ADAM12: variants seen among roughly 807,000 people sequenced by gnomAD.
ADAM12 encodes the protein ADAM metallopeptidase domain 12, also known as disintegrin and metalloproteinase domain-containing protein 12.
ADAM12 carries 70 observed loss-of-function variants against 106.4 expected under a neutral mutation model. That is an observed-to-expected ratio of 0.66 (90% CI 0.54 to 0.80). ADAM12 has a LOEUF of 0.80. ADAM12 is among the 30% of genes least tolerant of loss of function. The probability of loss-of-function intolerance (pLI) is 0.00; values close to 1 mark genes in which losing one functional copy is unlikely to be tolerated. For missense variants in ADAM12, 1,010 were observed against 1,171.9 expected (o/e 0.86, Z 2.02); for synonymous variants, 420 against 433.5 (o/e 0.97, Z 0.39).
At chr10:126,330,327 A>G (rs1030538894) in intron 2 of ADAM12, 85 bp downstream of exon 2, 7 of 1,146,126 alleles carry the variant, frequency 6.1e-6, no homozygotes, top group African/African-American at 1.6e-5. Flanking sequence ...AGTAGAGACA[A>G]CCCTTGAATG....
intron 1 of ADAM12, among the ~76,000 whole-genome samples, chr10:126,359,980 T>C (rs554593258): frequency 3.3e-5 from 5 of 152,320 alleles, no homozygotes; most frequent in African/African-American, 1.2e-4. Context: ...ATTCTTGACT[T>C]CTGTGTACCC....
At chr10:126,102,420 G>A (rs1222121370) in intron 8 of ADAM12, among the ~76,000 whole-genome samples, 3 of 152,154 alleles carry the variant, frequency 2.0e-5, no homozygotes, top group Non-Finnish European at 4.4e-5. Flanking sequence ...GAAGCATCTG[G>A]CCAATAACAA....
At chr10:126,280,159 A>ATAAT (rs1487590514) in intron 2 of ADAM12, among the ~76,000 whole-genome samples, 2 of 152,204 alleles carry the variant, frequency 1.3e-5, no homozygotes, top group Non-Finnish European at 2.9e-5. Context: ...CAACATGAAA[A>ATAAT]TAATTAGTTA....
At chr10:126,282,423 C>T (rs1246021958) in intron 2 of ADAM12, among the ~76,000 whole-genome samples, 4 of 152,102 alleles carry the variant, frequency 2.6e-5, no homozygotes, top group Non-Finnish European at 5.9e-5. Flanking sequence ...TCCCTTATTC[C>T]CAACCAGTGG....
At chr10:126,025,515 A>T (rs77164964) in intron 21 of ADAM12, among the ~76,000 whole-genome samples, 4 of 88,208 alleles carry the variant, frequency 4.5e-5, no homozygotes, top group Non-Finnish European at 1.1e-4. Flanking sequence ...AATGAACAGA[A>T]GGTCTTGAGA....
intron 3 of ADAM12, among the ~76,000 whole-genome samples, chr10:126,277,749 G>A (rs1394701707): frequency 6.6e-6 from 1 of 152,004 alleles, no homozygotes; most frequent in Non-Finnish European, 1.5e-5. Context: ...TGTTTCCAAA[G>A]CTTCTGATCT....
intron 14 of ADAM12, among the ~76,000 whole-genome samples, chr10:126,059,943 T>G (rs1954716407): frequency 6.6e-6 from 1 of 151,996 alleles, no homozygotes; most frequent in South Asian, 2.1e-4. Flanking sequence ...TTGTAGATAT[T>G]AAGACTAAAC....
chr10:126,177,497 T>A (rs899737090), intron 3 of ADAM12, among the ~76,000 whole-genome samples: 3 of 152,174 alleles, frequency 2.0e-5, no homozygotes, highest in Non-Finnish European at 4.4e-5. Context: ...ACCACACAGC[T>A]AATAAATTAG....
intron 1 of ADAM12, among the ~76,000 whole-genome samples, chr10:126,387,229 A>T (rs940761608): frequency 1.3e-5 from 2 of 152,228 alleles, no homozygotes; most frequent in Admixed American, 1.3e-4. Flanking sequence ...CCGGATTTTT[A>T]AAAAGGCACC....
Position 126,355,223 on chromosome 10 carries a change from C to A in ADAM12, c.89-24714G>T, listed in dbSNP as rs368438015. Among the ~76,000 whole-genome samples, 5 of 151,944 alleles carry A rather than the reference C, an allele frequency of 3.3e-5. No individual in the cohort carries two copies. The East Asian group carries it at 5.8e-4, about 18-fold the overall frequency. ...AAGACAAAGGAGTTAAGAAATAAAA[C>A]CAGAAATGACTAAATTAAAAGCTAT... On this transcript the variant is annotated intron_variant, in intron 1 of 22. Coordinates refer to ENST00000448723, the MANE Select transcript of ADAM12 (RefSeq NM_001288973.2).
intron 4 of ADAM12, among the ~76,000 whole-genome samples, chr10:126,140,518 C>T (rs1394859761): frequency 6.6e-6 from 1 of 152,116 alleles, no homozygotes; most frequent in Non-Finnish European, 1.5e-5. Context: ...TAAACAATCT[C>T]ACTTCTCTCA....
In ADAM12 at chr10:126,288,288, G is replaced by A. The variant is rs1274018331; in HGVS notation, c.187-9300C>T. On this transcript the variant is annotated intron_variant, in intron 2 of 22. Transcript: ENST00000448723. ...GGAGAGTAGGCAGGGCTTGCCCTGTGAGCTGAATTTCTTACATTTGTACTT... is the reference window on the plus strand; with the variant it reads ...GGAGAGTAGGCAGGGCTTGCCCTGTAAGCTGAATTTCTTACATTTGTACTT... Among the ~76,000 whole-genome samples the A allele has an allele frequency of 5.3e-5, 8 of 152,150 alleles. No individual in the cohort carries two copies. In the East Asian group the frequency reaches 1.5e-3, roughly 29 times the overall value.
At chr10:126,058,825 C>T (rs1954689881) in intron 14 of ADAM12, among the ~76,000 whole-genome samples, 2 of 152,208 alleles carry the variant, frequency 1.3e-5, no homozygotes, top group Admixed American at 1.3e-4. Flanking sequence ...TGACTTCTAT[C>T]CACTTGTAAG....
intron 3 of ADAM12, among the ~76,000 whole-genome samples, chr10:126,212,593 C>T (rs1424999914): frequency 1.3e-5 from 2 of 151,888 alleles, no homozygotes; most frequent in Non-Finnish European, 2.9e-5. Flanking sequence ...CCTTCTATTC[C>T]TACATATATG....
At chr10:126,231,080 T>C (rs1958300362) in intron 3 of ADAM12, among the ~76,000 whole-genome samples, 1 of 152,208 alleles carries the variant, frequency 6.6e-6, no homozygotes, top group South Asian at 2.1e-4. Flanking sequence ...GTCCTGTAAA[T>C]GGAAGCATCT....
rs535049731 is a variant in ADAM12 at position 126,148,427 on chromosome 10, C to T, written c.339+6800G>A. ...CACCACGAAAAACAATGCAAAGCCT[C>T]GGACTCTCCTTAAGGGGCTCCTGCT... On this transcript the variant is annotated intron_variant, in intron 4 of 22. Transcript: ENST00000448723. Among the ~76,000 whole-genome samples, 6 of 152,276 alleles carry T rather than the reference C, an allele frequency of 3.9e-5. No individual in the cohort carries two copies. The East Asian group carries it at 9.7e-4, about 24-fold the overall frequency.
At chr10:126,372,463 G>A (rs893752217) in intron 1 of ADAM12, among the ~76,000 whole-genome samples, 2 of 152,162 alleles carry the variant, frequency 1.3e-5, no homozygotes, top group African/African-American at 4.8e-5. Flanking sequence ...CAGCCATAAA[G>A]AGGCCAAGCC....
In ADAM12 at chr10:126,108,669, A is replaced by G. The variant is rs368703062; in HGVS notation, c.670-5T>C. The G allele has an allele frequency of 5.0e-6, 8 of 1,612,124 alleles. No homozygotes were observed. Among genetic ancestry groups the G allele is most frequent in the Non-Finnish European group, 6.8e-6 (8 of 1,178,238 alleles). ...ATCTTTTCCTTGCCTCTGAAACTTAACAATTTTAAATGGCAGCATTAATAC... is the reference window on the plus strand; with the variant it reads ...ATCTTTTCCTTGCCTCTGAAACTTAGCAATTTTAAATGGCAGCATTAATAC... On this transcript the variant is annotated splice_region_variant and splice_polypyrimidine_tract_variant and intron_variant, in intron 7 of 22. Transcript: ENST00000448723.
chr10:126,319,048 A>G (rs914832006), intron 2 of ADAM12, among the ~76,000 whole-genome samples: 2 of 152,116 alleles, frequency 1.3e-5, no homozygotes, highest in Non-Finnish European at 2.9e-5. Context: ...CATGTGGGGG[A>G]TTGTGGGAAT....
Sources: allele counts gnomAD v4.1 joint callset (sites outside exome capture counted in the v4.1 genomes callset), GRCh38; gene constraint gnomAD v4.1.1; transcripts MANE v1.5; gene names NCBI Gene and HGNC (gene_info 2026-07-23, HGNC 2026-07-21).